MARCHF1: variants seen among roughly 807,000 people sequenced by gnomAD.
The protein encoded by MARCHF1 is membrane associated ring-CH-type finger 1.
A neutral mutation model predicts 54.2 loss-of-function variants in MARCHF1; 40 were observed. The ratio of observed to expected loss-of-function variants is 0.74; its 90% CI spans 0.57 to 0.96. The LOEUF is 0.96. Among genes scored for constraint, MARCHF1 ranks in the 40% least tolerant of loss-of-function variants. The probability of loss-of-function intolerance (pLI) is 0.00; values close to 1 mark genes in which losing one functional copy is unlikely to be tolerated. For missense variants in MARCHF1, 586 were observed against 656.5 expected (o/e 0.89, Z 1.17); for synonymous variants, 236 against 236.3 (o/e 1.00, Z 0.01).
At chr4:163,617,967 T>C (rs1741567751) in intron 5 of MARCHF1, among the ~76,000 whole-genome samples, 1 of 152,130 alleles carries the variant, frequency 6.6e-6, no homozygotes. Flanking sequence ...AATGGGAAAA[T>C]GATGGATCAC....
chr4:164,294,946 G>A (rs1734374697), intron 1 of MARCHF1, among the ~76,000 whole-genome samples: 1 of 152,134 alleles, frequency 6.6e-6, no homozygotes, highest in South Asian at 2.1e-4. Flanking sequence ...TTTAATGGGT[G>A]CAACTTTACT....
At chr4:163,597,935 C>T (rs1447796926) in intron 7 of MARCHF1, among the ~76,000 whole-genome samples, 1 of 152,138 alleles carries the variant, frequency 6.6e-6, no homozygotes, top group East Asian at 1.9e-4. Context: ...AATTTTATAT[C>T]CCAATACACT....
At chr4:164,093,963 G>A (rs367684157) in intron 2 of MARCHF1, among the ~76,000 whole-genome samples, 3 of 152,050 alleles carry the variant, frequency 2.0e-5, no homozygotes, top group East Asian at 1.9e-4. Context: ...CATATGTTCT[G>A]TGTTCGAAAT....
intron 4 of MARCHF1, among the ~76,000 whole-genome samples, chr4:163,755,816 G>C (rs1184775782): frequency 6.6e-6 from 1 of 152,158 alleles, no homozygotes; most frequent in Non-Finnish European, 1.5e-5. Flanking sequence ...CTAAATGAGA[G>C]ATCCCCTGGA....
intron 4 of MARCHF1, among the ~76,000 whole-genome samples, chr4:163,715,121 A>C (rs1020749028): frequency 1.3e-5 from 2 of 152,240 alleles, no homozygotes; most frequent in Admixed American, 6.5e-5. Flanking sequence ...GTATATTATA[A>C]TTTGGATTTA....
Position 163,964,321 on chromosome 4 carries a change from AATG to A in MARCHF1, c.-39+24177_-39+24179del, listed in dbSNP as rs1479031466. ...AACTTAGTAGTTATTTAGTGATAAC[AATG>A]ATGATGTTTTGAAAACTAAGATTCA... is the stretch of plus-strand genomic sequence containing the variant. On this transcript the variant is annotated intron_variant, in intron 3 of 9. Transcript: ENST00000514618. Among the ~76,000 whole-genome samples the A allele has an allele frequency of 1.1e-4, 17 of 152,120 alleles. No homozygotes were observed. In the South Asian group the frequency reaches 3.5e-3, roughly 32 times the overall value.
chr4:163,663,531 G>A (rs567875264), intron 5 of MARCHF1, among the ~76,000 whole-genome samples: 4 of 151,920 alleles, frequency 2.6e-5, no homozygotes, highest in Admixed American at 6.6e-5. Context: ...GGATCATCTC[G>A]TCTGCAACAT....
chr4:163,938,720 TG>T (rs1226968199), intron 3 of MARCHF1, among the ~76,000 whole-genome samples: 2 of 152,156 alleles, frequency 1.3e-5, no homozygotes, highest in Non-Finnish European at 2.9e-5. Context: ...TTCACAGAGC[TG>T]GGGAGGCCTC....
intron 3 of MARCHF1, among the ~76,000 whole-genome samples, chr4:163,985,968 C>T (rs569765802): frequency 1.6e-4 from 24 of 152,240 alleles, no homozygotes; most frequent in African/African-American, 5.3e-4. Context: ...CTGTCCAAAA[C>T]ACAGATGTAT....
At chr4:164,115,346 T>C (rs1755918263) in intron 1 of MARCHF1, among the ~76,000 whole-genome samples, 1 of 152,028 alleles carries the variant, frequency 6.6e-6, no homozygotes, top group African/African-American at 2.4e-5. Flanking sequence ...ACTACTTTTG[T>C]TGAAGAATAG....
At chr4:164,193,422 G>A (rs545940265) in intron 1 of MARCHF1, among the ~76,000 whole-genome samples, 2 of 152,004 alleles carry the variant, frequency 1.3e-5, no homozygotes, top group African/African-American at 4.8e-5. Flanking sequence ...CCAATTCCAC[G>A]GCCATTGGAA....
At chr4:163,670,396 A>C (rs1337378347) in intron 5 of MARCHF1, among the ~76,000 whole-genome samples, 1 of 136,888 alleles carries the variant, frequency 7.3e-6, no homozygotes, top group Non-Finnish European at 1.5e-5. Context: ...CTGTCTATCT[A>C]TCTATCTATC....
chr4:163,793,538 T>C (rs1451659638), intron 4 of MARCHF1, among the ~76,000 whole-genome samples: 1 of 152,142 alleles, frequency 6.6e-6, no homozygotes, highest in Non-Finnish European at 1.5e-5. Context: ...TGTTTGGTCA[T>C]ACTAAGGGAG....
chr4:163,773,252 G>GC, intron 4 of MARCHF1, among the ~76,000 whole-genome samples: 1 of 152,270 alleles, frequency 6.6e-6, no homozygotes, highest in Non-Finnish European at 1.5e-5. Context: ...GGCAGGCCCT[G>GC]CTTTTGAGGT....
intron 1 of MARCHF1, among the ~76,000 whole-genome samples, chr4:164,382,291 C>A (rs1578917841): frequency 6.6e-6 from 1 of 152,072 alleles, no homozygotes; most frequent in East Asian, 1.9e-4. Flanking sequence ...TTCAGAAAAG[C>A]TTCATTAGAA....
intron 1 of MARCHF1, among the ~76,000 whole-genome samples, chr4:164,147,867 G>GA (rs1553986726): frequency 8.5e-6 from 1 of 117,384 alleles, no homozygotes; most frequent in Non-Finnish European, 2.1e-5. Flanking sequence ...TTCTCTTATG[G>GA]CAAAAAAAAA....
chr4:163,911,820 A>G (rs1751194882), intron 3 of MARCHF1, among the ~76,000 whole-genome samples: 1 of 152,200 alleles, frequency 6.6e-6, no homozygotes, highest in Non-Finnish European at 1.5e-5. Context: ...CTATCCTACT[A>G]TGCAAGGGGA....
intron 4 of MARCHF1, among the ~76,000 whole-genome samples, chr4:163,755,240 C>T (rs886325873): frequency 6.6e-6 from 1 of 152,136 alleles, no homozygotes; most frequent in Admixed American, 6.5e-5. Context: ...ATTCTAAATT[C>T]CAAGCCAATA....
intron 4 of MARCHF1, among the ~76,000 whole-genome samples, chr4:163,762,659 T>C (rs561844680): frequency 1.4e-3 from 216 of 152,244 alleles, no homozygotes; most frequent in Non-Finnish European, 2.7e-3. Flanking sequence ...CTTAAAATTA[T>C]ACAAATAGCA....
Sources: gnomAD v4.1 joint callset for allele counts (sites outside exome capture counted in the v4.1 genomes callset) on GRCh38, gnomAD v4.1.1 for gene constraint, MANE v1.5 for transcripts, NCBI Gene and HGNC (gene_info 2026-07-23, HGNC 2026-07-21) for gene names.